Variants in RECK observed in about 807,000 individuals in gnomAD.
The protein encoded by RECK is reversion-inducing cysteine-rich protein with Kazal motifs.
In RECK, 69 loss-of-function variants were observed where a neutral mutation model predicts 115.1. The observed-to-expected ratio is 0.60, with a 90% CI of 0.49 to 0.73. The LOEUF is 0.73. Ranked by LOEUF, RECK falls within the 30% of genes least tolerant of loss-of-function variation. The probability of loss-of-function intolerance (pLI) is 0.00; values close to 1 mark genes in which losing one functional copy is unlikely to be tolerated. For missense variants in RECK, 1,047 were observed against 1,203.7 expected, an observed-to-expected ratio of 0.87 and a Z score of 1.93; for synonymous variants, 414 against 419.7, an observed-to-expected ratio of 0.99 and a Z score of 0.17.
At chr9:36,076,207 A>G (rs1822443512) in intron 6 of RECK, among the ~76,000 whole-genome samples, 1 of 152,240 alleles carries the variant, frequency 6.6e-6, no homozygotes, top group Non-Finnish European at 1.5e-5. Context: ...GCAATGGACT[A>G]TTTGGATTTC....
At chr9:36,114,571 A>G (rs763247533) in intron 16 of RECK, among the ~76,000 whole-genome samples, 2 of 152,228 alleles carry the variant, frequency 1.3e-5, no homozygotes, top group Non-Finnish European at 2.9e-5. Flanking sequence ...GTAGGGATAA[A>G]TAAGAAAGTG....
chr9:36,070,690 T>G (rs919606507), intron 6 of RECK, among the ~76,000 whole-genome samples: 1 of 152,200 alleles, frequency 6.6e-6, no homozygotes, highest in African/African-American at 2.4e-5. Context: ...AGGGGATTTT[T>G]GCAACAGACA....
intron 1 of RECK, among the ~76,000 whole-genome samples, chr9:36,043,293 C>T (rs1385049027): frequency 4.0e-5 from 6 of 149,536 alleles, no homozygotes; most frequent in African/African-American, 7.4e-5. Context: ...CCACCCGCCT[C>T]GGCCTCCCAA....
At position 36,064,007 on chromosome 9, in the gene RECK, T is replaced by A. The variant is rs1273378633; in HGVS notation, c.357+127T>A. The stretch of plus-strand genomic sequence containing the variant: ...ACCCGTAAAAACTGCAAATTTAGCA[T>A]TTTTTGTATAGACCATTTCCTTTTA... On this transcript the variant is annotated intron_variant, in intron 5 of 20. Transcript: ENST00000377966. The A allele has an allele frequency of 7.8e-6, 6 of 765,996 alleles. No homozygotes were observed. In the East Asian group the frequency reaches 1.3e-4, roughly 17 times the overall value. 47.4% of individuals were successfully genotyped at this position (765,996 alleles called of 1,614,324 possible).
intron 2 of RECK, 28 bp from the exon 3 acceptor site, chr9:36,058,799 C>G: frequency 1.3e-6 from 2 of 1,538,946 alleles, no homozygotes; most frequent in East Asian, 4.8e-5. Flanking sequence ...AAAAATGCCA[C>G]AAAAACTTTT....
chr9:36,054,764 GTA>G (rs1821454786), intron 2 of RECK, among the ~76,000 whole-genome samples: 1 of 152,100 alleles, frequency 6.6e-6, no homozygotes, highest in South Asian at 2.1e-4. Flanking sequence ...TTCAGTTTTT[GTA>G]TATGTCTTAC....
intron 1 of RECK, among the ~76,000 whole-genome samples, chr9:36,038,806 CA>C (rs1048559641): frequency 2.7e-5 from 4 of 148,638 alleles, no homozygotes; most frequent in African/African-American, 1.0e-4. Flanking sequence ...AACAAACAAA[CA>C]AACAACAAAA....
chr9:36,079,053 G>T lies in RECK; in HGVS notation c.406-1552G>T, dbSNP rs184725172. ...TAGGATTACAGGCATGCACCACCACGCCCGGCTAATTTTGTATTTTCAGTA... is the reference window on the plus strand; with the variant it reads ...TAGGATTACAGGCATGCACCACCACTCCCGGCTAATTTTGTATTTTCAGTA... On this transcript the variant is annotated intron_variant, in intron 6 of 20. Coordinates refer to ENST00000377966, the MANE Select transcript of RECK (RefSeq NM_021111.3). Among the ~76,000 whole-genome samples the T allele has an allele frequency of 1.4e-3, 216 of 151,964 alleles. 1 individual carries two copies. The highest frequency in any genetic ancestry group is 2.7e-3 in the South Asian group (13 of 4,804).
chr9:36,039,796 C>T (rs1013293052), intron 1 of RECK, among the ~76,000 whole-genome samples: 1 of 152,180 alleles, frequency 6.6e-6, no homozygotes, highest in Admixed American at 6.5e-5. Context: ...AAAAAGCAAA[C>T]GCCTATCTGG....
intron 1 of RECK, among the ~76,000 whole-genome samples, chr9:36,050,847 G>A (rs926072162): frequency 2.6e-5 from 4 of 152,038 alleles, no homozygotes; most frequent in Admixed American, 2.6e-4. Flanking sequence ...CTTACTTTAT[G>A]GTATCTGCTT....
In RECK at chr9:36,070,226, A is replaced by G. The variant is rs181322552; in HGVS notation, c.405+4602A>G. On this transcript the variant is annotated intron_variant, in intron 6 of 20. Coordinates refer to ENST00000377966, the MANE Select transcript of RECK (RefSeq NM_021111.3). Reference sequence around the variant, plus strand: ...ACTGGATTTTAAAAAAATAATTAAAACATAGTAACAGTAGCATTTATGTTG... The same window carrying G: ...ACTGGATTTTAAAAAAATAATTAAAGCATAGTAACAGTAGCATTTATGTTG... 2.6e-5 allele frequency among the ~76,000 whole-genome samples: 4 copies of G among 152,344 alleles called. No homozygotes were observed. In the East Asian group the frequency reaches 7.7e-4, roughly 29 times the overall value.
chr9:36,108,933 C>G (rs1823925356), intron 14 of RECK, among the ~76,000 whole-genome samples: 1 of 152,044 alleles, frequency 6.6e-6, no homozygotes, highest in African/African-American at 2.4e-5. Context: ...TTTCTACTCC[C>G]ATCCCCTACC....
intron 1 of RECK, among the ~76,000 whole-genome samples, chr9:36,048,671 G>A (rs1193299304): frequency 6.6e-6 from 1 of 152,114 alleles, no homozygotes; most frequent in Non-Finnish European, 1.5e-5. Flanking sequence ...CTACTACCAG[G>A]TGGTAACCTG....
At chr9:36,116,020 C>T (rs886778975) in intron 16 of RECK, among the ~76,000 whole-genome samples, 2 of 152,092 alleles carry the variant, frequency 1.3e-5, no homozygotes, top group African/African-American at 4.8e-5. Context: ...CTAGGAAAGA[C>T]CAGCTTCATG....
rs114672749 is a variant in RECK, at chr9:36,062,009, A to C, written c.272-1786A>C. On this transcript the variant is annotated intron_variant, in intron 4 of 20. Transcript: ENST00000377966. Reference sequence around the variant, plus strand: ...CTGACATTTTTTTTCAAATATAAATAATAATCCAACTTACTTCAGATATAG... The same window carrying C: ...CTGACATTTTTTTTCAAATATAAATCATAATCCAACTTACTTCAGATATAG... Among the ~76,000 whole-genome samples the C allele has an allele frequency of 2.7e-3, 416 of 152,338 alleles. 3 individuals carry two copies. The highest frequency in any genetic ancestry group is 9.6e-3 in the African/African-American group (400 of 41,568).
At chr9:36,119,158 T>G (rs944362972) in intron 18 of RECK, among the ~76,000 whole-genome samples, 191 bp downstream of exon 18, 2 of 152,244 alleles carry the variant, frequency 1.3e-5, no homozygotes, top group Admixed American at 1.3e-4. Flanking sequence ...TATCATCTGG[T>G]GTCCTGCTAT....
intron 15 of RECK, among the ~76,000 whole-genome samples, chr9:36,111,211 T>C (rs772374974): frequency 5.3e-5 from 8 of 152,232 alleles, no homozygotes; most frequent in Admixed American, 2.0e-4. Context: ...TGACTGTTGA[T>C]CTAGCAGACT....
At chr9:36,077,894 A>G (rs1456956751) in intron 6 of RECK, among the ~76,000 whole-genome samples, 2 of 152,126 alleles carry the variant, frequency 1.3e-5, no homozygotes, top group African/African-American at 2.4e-5. Flanking sequence ...TTGCCATAGA[A>G]GTGTGCTTAG....
intron 1 of RECK, among the ~76,000 whole-genome samples, chr9:36,048,869 G>T (rs1226344373): frequency 6.6e-6 from 1 of 151,998 alleles, no homozygotes; most frequent in Non-Finnish European, 1.5e-5. Flanking sequence ...AAGTTAAAGG[G>T]CATGGTCCCC....
Sources: allele counts gnomAD v4.1 joint callset (sites outside exome capture counted in the v4.1 genomes callset), GRCh38; gene constraint gnomAD v4.1.1; transcripts MANE v1.5; gene names NCBI Gene and HGNC (gene_info 2026-07-23, HGNC 2026-07-21).